The following THSD7B variants were observed in gnomAD, a reference collection of about 807,000 sequenced individuals.
The protein encoded by THSD7B is thrombospondin type-1 domain-containing protein 7B.
Under a neutral mutation model 213.6 loss-of-function variants are expected in THSD7B, and 138 were observed. The ratio of observed to expected loss-of-function variants is 0.65; its 90% CI spans 0.56 to 0.74. THSD7B has a LOEUF of 0.74. Among genes scored for constraint, THSD7B ranks in the 30% least tolerant of loss-of-function variants. The pLI, the probability that THSD7B is intolerant of heterozygous loss-of-function variation, is 0.00. For missense variants in THSD7B, 1,931 were observed against 1,991.5 expected (o/e 0.97, Z 0.58); for synonymous variants, 742 against 687.0 (o/e 1.08, Z -1.25).
chr2:137,056,404 G>T lies in THSD7B; in HGVS notation c.140-16G>T, dbSNP rs1687162923. The T allele has an allele frequency of 6.3e-7, 1 of 1,592,464 alleles. No homozygotes were observed. The highest frequency in any genetic ancestry group is 1.8e-4 in the Middle Eastern group (1 of 5,482). On this transcript the variant is annotated splice_polypyrimidine_tract_variant and intron_variant, in intron 2 of 27. Transcript: ENST00000409968. Reference sequence around the variant, plus strand: ...TAATCTCTGAGTAATTAACATCCTTGTTTTTCTGCCTGTAGGTCCGTGGGG... The same window carrying T: ...TAATCTCTGAGTAATTAACATCCTTTTTTTTCTGCCTGTAGGTCCGTGGGG...
chr2:137,172,569 T>C (rs558010154), intron 7 of THSD7B, among the ~76,000 whole-genome samples: 1 of 152,318 alleles, frequency 6.6e-6, no homozygotes, highest in Admixed American at 6.5e-5. Context: ...CTTTTCCTCA[T>C]GAATCTCTTC....
intron 1 of THSD7B, among the ~76,000 whole-genome samples, chr2:136,798,679 A>G (rs1330771647): frequency 6.6e-6 from 1 of 151,954 alleles, no homozygotes; most frequent in Non-Finnish European, 1.5e-5. Flanking sequence ...ACCACCTCCA[A>G]ACTGGCCAGT....
intron 2 of THSD7B, among the ~76,000 whole-genome samples, chr2:136,979,960 T>G (rs759108439): frequency 6.6e-6 from 1 of 152,216 alleles, no homozygotes; most frequent in Non-Finnish European, 1.5e-5. Context: ...TGTGGGTTTT[T>G]TTGTTGATGT....
At chr2:137,037,595 A>G (rs1294763727) in intron 2 of THSD7B, among the ~76,000 whole-genome samples, 1 of 151,990 alleles carries the variant, frequency 6.6e-6, no homozygotes, top group Admixed American at 6.6e-5. Context: ...ACAGGTCTTG[A>G]TTTGACAGGT....
intron 10 of THSD7B, among the ~76,000 whole-genome samples, chr2:137,265,680 A>G (rs191190635): frequency 6.6e-6 from 1 of 152,330 alleles, no homozygotes; most frequent in African/African-American, 2.4e-5. Context: ...CAGTCCGTCT[A>G]CCTTTTCCAC....
chr2:137,499,809 G>A (rs1679658773), intron 15 of THSD7B, among the ~76,000 whole-genome samples: 1 of 152,094 alleles, frequency 6.6e-6, no homozygotes, highest in South Asian at 2.1e-4. Context: ...AAATGCATGA[G>A]TGCACACACA....
intron 1 of THSD7B, among the ~76,000 whole-genome samples, chr2:136,847,975 A>C (rs1268957781): frequency 6.6e-6 from 1 of 152,154 alleles, no homozygotes; most frequent in Non-Finnish European, 1.5e-5. Flanking sequence ...CCCTCACACC[A>C]TACTGGGTTG....
intron 2 of THSD7B, among the ~76,000 whole-genome samples, chr2:136,960,948 G>T (rs1260569779): frequency 1.3e-5 from 2 of 151,610 alleles, no homozygotes; most frequent in African/African-American, 4.8e-5. Context: ...AATTAGCTGG[G>T]CAAGGTGGCG....
At chr2:137,113,784 G>T (rs7565378) in intron 4 of THSD7B, among the ~76,000 whole-genome samples, 1 of 151,956 alleles carries the variant, frequency 6.6e-6, no homozygotes, top group African/African-American at 2.4e-5. Context: ...AGGACCTGAA[G>T]TCTGCACTCC....
intron 1 of THSD7B, among the ~76,000 whole-genome samples, chr2:136,810,106 C>T (rs901686910): frequency 1.3e-5 from 2 of 152,122 alleles, no homozygotes; most frequent in Non-Finnish European, 2.9e-5. Context: ...GGGTAGTTAA[C>T]GCATAGAGAA....
At chr2:137,175,769 T>A (rs12992523) in intron 7 of THSD7B, among the ~76,000 whole-genome samples, 7,002 of 152,284 alleles carry the variant, frequency 0.046, 191 homozygotes, top group Admixed American at 0.069. Context: ...TTGGATCAAA[T>A]ATTCTTTAAA....
intron 2 of THSD7B, among the ~76,000 whole-genome samples, chr2:136,967,439 ACT>A (rs1034422428): frequency 6.6e-6 from 1 of 151,936 alleles, no homozygotes; most frequent in African/African-American, 2.4e-5. Context: ...ATTTCTGGTA[ACT>A]CTGTCTCATT....
intron 5 of THSD7B, among the ~76,000 whole-genome samples, chr2:137,140,623 G>C (rs1036394792): frequency 6.6e-6 from 1 of 152,008 alleles, no homozygotes; most frequent in Non-Finnish European, 1.5e-5. Flanking sequence ...GGATAAGAGA[G>C]AATTGAAGTC....
intron 7 of THSD7B, among the ~76,000 whole-genome samples, chr2:137,227,075 A>C (rs1681522528): frequency 6.6e-6 from 1 of 152,218 alleles, no homozygotes; most frequent in Admixed American, 6.5e-5. Flanking sequence ...TGTGGGGAAG[A>C]GGTAACAGAA....
chr2:137,404,883 A>G (rs1276833944), intron 12 of THSD7B, among the ~76,000 whole-genome samples: 2 of 152,022 alleles, frequency 1.3e-5, no homozygotes, highest in African/African-American at 4.8e-5. Flanking sequence ...TGAGGGATAA[A>G]AGACAACAAA....
chr2:137,063,720 C>G (rs1227079024), intron 3 of THSD7B, among the ~76,000 whole-genome samples: 1 of 152,050 alleles, frequency 6.6e-6, no homozygotes, highest in Non-Finnish European at 1.5e-5. Context: ...TCTCTAGCTC[C>G]ATGAGTTCAA....
Position 137,192,817 on chromosome 2 carries a change from A to G in THSD7B, c.1723+21879A>G, listed in dbSNP as rs562137497. On this transcript the variant is annotated intron_variant, in intron 7 of 27. Transcript: ENST00000409968. ...ATGGAAAATCAGTATTTCCTCATTCACCTTTACCTTTGGAAAACCTGGAAC... is the reference window on the plus strand; with the variant it reads ...ATGGAAAATCAGTATTTCCTCATTCGCCTTTACCTTTGGAAAACCTGGAAC... 7.4e-4 allele frequency among the ~76,000 whole-genome samples: 112 copies of G among 152,308 alleles called. 1 individual carries two copies. The highest frequency in any genetic ancestry group is 2.6e-3 in the African/African-American group (107 of 41,566).
At chr2:136,806,519 T>C (rs371785649) in intron 1 of THSD7B, among the ~76,000 whole-genome samples, 1 of 152,056 alleles carries the variant, frequency 6.6e-6, no homozygotes, top group East Asian at 1.9e-4. Context: ...AAAAACATAT[T>C]ATATTCAGCC....
intron 3 of THSD7B, among the ~76,000 whole-genome samples, chr2:137,080,783 T>C (rs771320572): frequency 2.0e-5 from 3 of 152,162 alleles, no homozygotes; most frequent in Non-Finnish European, 4.4e-5. Flanking sequence ...ATTTACGTTA[T>C]TCTTCTAGTC....
Sources: gnomAD v4.1 joint callset for allele counts (sites outside exome capture counted in the v4.1 genomes callset) on GRCh38, gnomAD v4.1.1 for gene constraint, MANE v1.5 for transcripts, NCBI Gene and HGNC (gene_info 2026-07-23, HGNC 2026-07-21) for gene names.